Variants in DEPDC4 observed in about 807,000 individuals in gnomAD.
The protein encoded by DEPDC4 is DEP domain-containing protein 4.
In DEPDC4, 52 loss-of-function variants were observed where a neutral mutation model predicts 52.0. The ratio of observed to expected loss-of-function variants is 1.00; its 90% CI spans 0.80 to 1.26. DEPDC4 has a LOEUF of 1.26. DEPDC4 is among the 50% of genes most tolerant of loss of function. The pLI is 0.00. For missense variants in DEPDC4, 530 were observed against 546.9 expected (o/e 0.97, Z 0.31); for synonymous variants, 201 against 196.8 (o/e 1.02, Z -0.18).
intron 8 of DEPDC4, among the ~76,000 whole-genome samples, chr12:100,244,857 A>T (rs2153905262): frequency 6.7e-6 from 1 of 150,264 alleles, no homozygotes. Context: ...TCCCATGCTT[A>T]TTTTATTTAT....
the DEPDC4 span, among the ~76,000 whole-genome samples, chr12:100,280,244 AC>A: frequency 3.3e-5 from 5 of 152,234 alleles, no homozygotes; most frequent in Admixed American, 2.0e-4. Flanking sequence ...TCATTTATTT[AC>A]TTAGAGTAAT....
chr12:100,263,873 C>T lies in DEPDC4; in HGVS notation c.178G>A (p.Ala60Thr), dbSNP rs138005134. The part of the protein sequence containing the change: ...RRTGCSGPFQ[A>T]TQLWDGIIHS... ...ATAATACCATCCCATAGCTGAGTAGCTTGAAAAGGACCAGAGCATCCTGAA... is the reference window on the plus strand; with the variant it reads ...ATAATACCATCCCATAGCTGAGTAGTTTGAAAAGGACCAGAGCATCCTGAA... The change falls in exon 2 of 10, where the codon GCT becomes ACT. Residue 60 changes from alanine to threonine, a missense_variant. Transcript: ENST00000550587. 1 of 1,607,520 alleles carries T rather than the reference C, an allele frequency of 6.2e-7. No homozygotes were observed. The highest frequency in any genetic ancestry group is 8.5e-7 in the Non-Finnish European group (1 of 1,176,422).
intron 5 of DEPDC4, 73 bp from the exon 6 acceptor site, chr12:100,252,609 G>A: frequency 7.1e-7 from 1 of 1,402,954 alleles, no homozygotes; most frequent in Non-Finnish European, 9.6e-7. Flanking sequence ...TTACTTAGTA[G>A]TCAATTAAAA....
Position 100,252,408 on chromosome 12 carries a change from T to C in DEPDC4, c.1234A>G (p.Lys412Glu), listed in dbSNP as rs748125852. 1.9e-6 allele frequency: 3 copies of C among 1,572,176 alleles called. No homozygotes were observed. The highest frequency in any genetic ancestry group is 2.2e-5 in the East Asian group (1 of 44,520). Residue 412 changes from lysine (K) to glutamate (E), a missense_variant, in exon 6 of 10, where the codon AAG becomes GAG. Coordinates refer to ENST00000550587, the MANE Select transcript of DEPDC4 (RefSeq NM_001364818.2). ...MAMASEPNAY[K>E]LQKQYDNKTV... ...AAATTTTTCACCTGTTTTTGCAACT[T>C]GTAGGCATTGGGCTCTGATGCCATT...
intron 8 of DEPDC4, among the ~76,000 whole-genome samples, chr12:100,244,055 A>C (rs1296428577): frequency 1.4e-5 from 2 of 141,680 alleles, no homozygotes; most frequent in Non-Finnish European, 3.0e-5. Flanking sequence ...TACTTAGCAC[A>C]GGCAGAGGTG....
Position 100,266,928 on chromosome 12 carries a change from CT to C in DEPDC4, c.148del (p.Arg50GlyfsTer28). On this transcript the variant is annotated frameshift_variant, in exon 1 of 10. Transcript: ENST00000550587. LOFTEE classifies it high-confidence loss of function. ...AGGATATACAGGGCTACCTGTCCTC[CT>C]TTTCCGGCAGAAGCCATCTCTACGG... The part of the protein sequence containing the change: ...RNRRDGFCRK[R>X]RTGCSGPFQA... The C allele has an allele frequency of 6.2e-7, 1 of 1,613,468 alleles. No homozygotes were observed. Among genetic ancestry groups the C allele is most frequent in the South Asian group, 1.1e-5 (1 of 90,902 alleles).
intron 1 of DEPDC4, among the ~76,000 whole-genome samples, chr12:100,266,142 G>GT (rs2096271939): frequency 6.6e-6 from 1 of 152,010 alleles, no homozygotes; most frequent in African/African-American, 2.4e-5. Flanking sequence ...CTTCTAGAAT[G>GT]TTTTTTCTAG....
In DEPDC4 at chr12:100,241,023, C is replaced by T. The variant is rs2096156764; in HGVS notation, c.*869G>A. On this transcript the variant is annotated 3_prime_UTR_variant, in exon 10 of 10. Coordinates refer to ENST00000550587, the MANE Select transcript of DEPDC4 (RefSeq NM_001364818.2). ...GAGGTGAGATGGTGCCACTGCACTCCAGCCTGGGACAGAGCAAGACTCCAT... is the reference window on the plus strand; with the variant it reads ...GAGGTGAGATGGTGCCACTGCACTCTAGCCTGGGACAGAGCAAGACTCCAT... Among the ~76,000 whole-genome samples, 1 of 152,192 alleles carries T rather than the reference C, an allele frequency of 6.6e-6. No homozygotes were observed. Among genetic ancestry groups the T allele is most frequent in the Non-Finnish European group, 1.5e-5 (1 of 68,036 alleles).
chr12:100,274,849 A>G, the DEPDC4 span, among the ~76,000 whole-genome samples: 333 of 152,360 alleles, frequency 2.2e-3, 1 homozygote, highest in African/African-American at 7.5e-3. Flanking sequence ...GGTTTGTGCC[A>G]TAGACCCTTT....
At chr12:100,259,070 C>CAAA (rs753948687) in intron 3 of DEPDC4, among the ~76,000 whole-genome samples, 1 of 121,652 alleles carries the variant, frequency 8.2e-6, no homozygotes. Flanking sequence ...AAATCTGTCT[C>CAAA]AAAAAAAAAA....
chr12:100,266,798 G>A, intron 1 of DEPDC4, 122 bp downstream of exon 1: 3 of 1,318,490 alleles, frequency 2.3e-6, no homozygotes, highest in Non-Finnish European at 3.1e-6. Context: ...AGGGCAGGAA[G>A]GGGGCGGGGC....
At chr12:100,264,314 T>A (rs1326268868) in intron 1 of DEPDC4, among the ~76,000 whole-genome samples, 1 of 152,196 alleles carries the variant, frequency 6.6e-6, no homozygotes, top group Non-Finnish European at 1.5e-5. Context: ...CAATGGTTAG[T>A]TCTTCATTAG....
intron 8 of DEPDC4, among the ~76,000 whole-genome samples, chr12:100,247,061 T>C (rs1333663632): frequency 6.6e-6 from 1 of 152,144 alleles, no homozygotes; most frequent in African/African-American, 2.4e-5. Flanking sequence ...ACAGTTTTAC[T>C]GAGTAAGAGA....
chr12:100,268,296 T>A (rs2096282143), upstream of DEPDC4, among the ~76,000 whole-genome samples: 1 of 152,246 alleles, frequency 6.6e-6, no homozygotes, highest in African/African-American at 2.4e-5. Flanking sequence ...ATAAATAGTT[T>A]AGCAAAAATG....
intron 9 of DEPDC4, 34 bp from the exon 10 acceptor site, chr12:100,241,879 A>C: frequency 1.7e-6 from 2 of 1,173,750 alleles, no homozygotes; most frequent in Non-Finnish European, 2.1e-6. Context: ...AAGAAAAAGA[A>C]AAGTACCACT....
Position 100,249,003 on chromosome 12 carries a change from A to T in DEPDC4, c.1375-25T>A, listed in dbSNP as rs187921082. ...TCTACACAAAACAGGTATTTTCAAA[A>T]TATTTAATATGATTTTTTTCTAGCC... On this transcript the variant is annotated intron_variant, in intron 7 of 9. Coordinates refer to ENST00000550587, the MANE Select transcript of DEPDC4 (RefSeq NM_001364818.2). 7 of 924,694 alleles carry T rather than the reference A, an allele frequency of 7.6e-6. No individual in the cohort carries two copies. In the African/African-American group the frequency reaches 1.2e-4, roughly 16 times the overall value. 57.3% of individuals were successfully genotyped at this position (924,694 alleles called of 1,614,324 possible). A position where few individuals can be genotyped will look rare whatever the true frequency, so the allele number is the denominator to read the frequency against.
chr12:100,232,909 A>G (rs1196020960), intron 9 of DEPDC4, among the ~76,000 whole-genome samples: 1 of 150,368 alleles, frequency 6.7e-6, no homozygotes, highest in Non-Finnish European at 1.5e-5. Context: ...ACAAAACAAA[A>G]CAAACACAAA....
intron 1 of DEPDC4, 55 bp from the exon 2 acceptor site, chr12:100,263,948 A>C: frequency 6.6e-7 from 1 of 1,514,172 alleles, no homozygotes; most frequent in Non-Finnish European, 8.9e-7. Flanking sequence ...AAAAATATGC[A>C]AATTTTTCAG....
intron 1 of DEPDC4, among the ~76,000 whole-genome samples, chr12:100,264,651 C>G (rs1020889819): frequency 6.6e-6 from 1 of 151,694 alleles, no homozygotes; most frequent in Non-Finnish European, 1.5e-5. Flanking sequence ...TGCACTCCAG[C>G]CTTGGTGACA....
Sources: gnomAD v4.1 joint callset for allele counts (sites outside exome capture counted in the v4.1 genomes callset) on GRCh38, gnomAD v4.1.1 for gene constraint, MANE v1.5 for transcripts, NCBI Gene and HGNC (gene_info 2026-07-23, HGNC 2026-07-21) for gene names.